Variants in GPHN observed in about 807,000 individuals in gnomAD.
The protein encoded by GPHN is gephyrin.
GPHN carries 17 observed loss-of-function variants against 95.5 expected under a neutral mutation model. The observed-to-expected ratio is 0.18, with a 90% CI of 0.12 to 0.27. The LOEUF is 0.27. GPHN is among the 10% of genes least tolerant of loss of function. GPHN has a pLI of 1.00. For missense variants in GPHN, 660 were observed against 978.1 expected, an observed-to-expected ratio of 0.67 and a Z score of 4.34; for synonymous variants, 320 against 322.5, an observed-to-expected ratio of 0.99 and a Z score of 0.08.
At chr14:67,690,729 A>C in the GPHN span, 1 of 401,754 alleles carries the variant, frequency 2.5e-6, no homozygotes, top group Non-Finnish European at 4.6e-6. Context: ...CACGCCGGTA[A>C]TCTCAGCACT....
At chr14:66,820,978 A>G (rs2061169291) in intron 3 of GPHN, among the ~76,000 whole-genome samples, 1 of 152,222 alleles carries the variant, frequency 6.6e-6, no homozygotes, top group Non-Finnish European at 1.5e-5. Context: ...CACATAAGGA[A>G]AAGTTAATCA....
chr14:67,458,987 A>G, the GPHN span, among the ~76,000 whole-genome samples: 802 of 152,334 alleles, frequency 5.3e-3, 8 homozygotes, highest in Non-Finnish European at 4.4e-3. Context: ...TGCTGGGTTC[A>G]AGTGATTCAC....
chr14:67,651,686 CA>C, the GPHN span: 1 of 420,962 alleles, frequency 2.4e-6, no homozygotes. Flanking sequence ...TAAACTGAGA[CA>C]ATAAAAACCA....
chr14:67,562,146 TAGC>T, the GPHN span: 1 of 1,611,542 alleles, frequency 6.2e-7, no homozygotes, highest in Non-Finnish European at 8.5e-7. Flanking sequence ...GCTATTCAGA[TAGC>T]TCCTTCACGG....
intron 10 of GPHN, among the ~76,000 whole-genome samples, chr14:67,042,241 CA>C (rs1237487209): frequency 1.3e-5 from 2 of 152,092 alleles, no homozygotes; most frequent in Non-Finnish European, 2.9e-5. Flanking sequence ...AATTAGATCC[CA>C]TTTGTCAATT....
intron 1 of GPHN, among the ~76,000 whole-genome samples, chr14:66,672,769 T>C (rs912534828): frequency 7.2e-5 from 11 of 152,354 alleles, no homozygotes; most frequent in African/African-American, 2.4e-4. Context: ...TCTTTCTCCA[T>C]CCTTTCACTT....
chr14:66,671,644 G>A (rs761954061), intron 1 of GPHN, among the ~76,000 whole-genome samples: 17 of 152,082 alleles, frequency 1.1e-4, no homozygotes, highest in Non-Finnish European at 2.4e-4. Context: ...AAATGTATAT[G>A]TAAAGGCTTT....
At chr14:67,192,885 T>G in the GPHN span, among the ~76,000 whole-genome samples, 1 of 146,438 alleles carries the variant, frequency 6.8e-6, no homozygotes, top group South Asian at 2.1e-4. Context: ...TAGATATATA[T>G]CTAGATATCG....
At chr14:66,685,449 G>A (rs2067283725) in intron 2 of GPHN, among the ~76,000 whole-genome samples, 1 of 152,188 alleles carries the variant, frequency 6.6e-6, no homozygotes, top group Non-Finnish European at 1.5e-5. Context: ...CATTCTAACT[G>A]GTGTGAGATG....
intron 1 of GPHN, among the ~76,000 whole-genome samples, chr14:66,643,619 A>G (rs1354428489): frequency 6.6e-6 from 1 of 152,060 alleles, no homozygotes; most frequent in Non-Finnish European, 1.5e-5. Context: ...GAGGCATCAG[A>G]TACAAAAGGA....
At chr14:66,921,444 GTTT>G (rs1161971475) in intron 6 of GPHN, among the ~76,000 whole-genome samples, 1 of 129,168 alleles carries the variant, frequency 7.7e-6, no homozygotes, top group African/African-American at 2.8e-5. Context: ...TGATGGGATT[GTTT>G]TTTTTTTTTT....
At chr14:66,952,497 G>A (rs935380061) in intron 8 of GPHN, among the ~76,000 whole-genome samples, 1 of 152,130 alleles carries the variant, frequency 6.6e-6, no homozygotes, top group Non-Finnish European at 1.5e-5. Context: ...GCACATTCAT[G>A]TATGTTTTTA....
At chr14:67,412,750 G>T in the GPHN span, among the ~76,000 whole-genome samples, 1 of 151,884 alleles carries the variant, frequency 6.6e-6, no homozygotes, top group Non-Finnish European at 1.5e-5. Flanking sequence ...AGAGAGAGAT[G>T]ATTGGTTTTT....
At chr14:67,347,361 A>T in the GPHN span, 3 of 1,466,882 alleles carry the variant, frequency 2.0e-6, no homozygotes, top group Admixed American at 5.5e-5. Flanking sequence ...TAAAGAGGAA[A>T]CAGGAAATCC....
chr14:67,720,481 T>G, the GPHN span, among the ~76,000 whole-genome samples: 2 of 152,266 alleles, frequency 1.3e-5, no homozygotes, highest in Admixed American at 1.3e-4. Context: ...TTTCTCATAC[T>G]TACGTCTTTG....
In GPHN at chr14:66,553,948, A is replaced by T. The variant is rs145798312; in HGVS notation, c.64+45357A>T. On this transcript the variant is annotated intron_variant, in intron 1 of 22. Transcript: ENST00000478722. ...ATGGTTTCCATTTTGTTAATTTCTCAGTTAATCTAAATTATTGATTTTTAA... is the reference window on the plus strand; with the variant it reads ...ATGGTTTCCATTTTGTTAATTTCTCTGTTAATCTAAATTATTGATTTTTAA... 1.7e-3 allele frequency among the ~76,000 whole-genome samples: 265 copies of T among 152,242 alleles called. 1 individual carries two copies. The highest frequency in any genetic ancestry group is 6.1e-3 in the African/African-American group (253 of 41,552).
chr14:66,518,920 A>T (rs1312754786), intron 1 of GPHN, among the ~76,000 whole-genome samples: 1 of 152,072 alleles, frequency 6.6e-6, no homozygotes, highest in East Asian at 1.9e-4. Flanking sequence ...CTTCTGTAGC[A>T]TTGTAGGGTG....
At chr14:67,190,014 A>ATT in the GPHN span, among the ~76,000 whole-genome samples, 6,917 of 113,132 alleles carry the variant, frequency 0.061, 180 homozygotes, top group Middle Eastern at 0.089. Context: ...CTAATTTTGT[A>ATT]TTTTTTTTTT....
At chr14:67,307,591 T>A in the GPHN span, among the ~76,000 whole-genome samples, 1 of 152,242 alleles carries the variant, frequency 6.6e-6, no homozygotes, top group Non-Finnish European at 1.5e-5. Flanking sequence ...ATTATAGGTA[T>A]AAAAATGTAT....
Sources: allele counts gnomAD v4.1 joint callset (sites outside exome capture counted in the v4.1 genomes callset), GRCh38; gene constraint gnomAD v4.1.1; transcripts MANE v1.5; gene names NCBI Gene and HGNC (gene_info 2026-07-23, HGNC 2026-07-21).